Variants in TRPM3 observed in about 807,000 individuals in gnomAD.
TRPM3 encodes transient receptor potential cation channel subfamily M member 3.
TRPM3 carries 77 observed loss-of-function variants against 181.2 expected under a neutral mutation model. The observed-to-expected ratio is 0.42, with a 90% CI of 0.35 to 0.51. The LOEUF (loss-of-function observed/expected upper bound fraction) is 0.51. Among genes scored for constraint, TRPM3 ranks in the 20% least tolerant of loss-of-function variants. The probability of loss-of-function intolerance (pLI) is 0.01; values close to 1 mark genes in which losing one functional copy is unlikely to be tolerated. For synonymous variants in TRPM3, 745 were observed against 796.4 expected, an observed-to-expected ratio of 0.94 and a Z score of 1.09; for missense variants, 1,759 against 2,196.7, an observed-to-expected ratio of 0.80 and a Z score of 3.98.
At chr9:71,388,551 A>G (rs1337033951) in intron 1 of TRPM3, among the ~76,000 whole-genome samples, 1 of 152,126 alleles carries the variant, frequency 6.6e-6, no homozygotes, top group Admixed American at 6.6e-5. Context: ...AATGTAAGTC[A>G]TCAACACTGA....
chr9:70,639,284 GC>G (rs1345731137), intron 10 of TRPM3, 90 bp from the exon 11 acceptor site: 4 of 1,421,520 alleles, frequency 2.8e-6, no homozygotes, highest in Non-Finnish European at 2.9e-6. Flanking sequence ...AGAAATGGAT[GC>G]CTTTGACATC....
At position 70,855,310 on chromosome 9, in the gene TRPM3, A is replaced by G. The variant is rs530856964; in HGVS notation, c.462+7598T>C. ...AACAGACGGGCTGTTTCATTAAGAA[A>G]AAATAATAATAATCTTCCTTTGGCA... On this transcript the variant is annotated intron_variant, in intron 3 of 25. Transcript: ENST00000677713. Among the ~76,000 whole-genome samples, 109 of 152,356 alleles carry G rather than the reference A, an allele frequency of 7.2e-4. 1 individual carries two copies. The highest frequency in any genetic ancestry group is 2.4e-3 in the African/African-American group (101 of 41,576).
At chr9:70,799,296 C>A (rs954098118) in intron 6 of TRPM3, among the ~76,000 whole-genome samples, 1 of 151,598 alleles carries the variant, frequency 6.6e-6, no homozygotes, top group Non-Finnish European at 1.5e-5. Flanking sequence ...ATTAAAGTAA[C>A]CATTATCATA....
chr9:70,982,319 G>C (rs1490004516), intron 1 of TRPM3, among the ~76,000 whole-genome samples: 1 of 152,120 alleles, frequency 6.6e-6, no homozygotes, highest in East Asian at 1.9e-4. Flanking sequence ...AATTTCTATA[G>C]TGACTATTTG....
At chr9:71,133,415 C>T (rs1365355056) in intron 1 of TRPM3, among the ~76,000 whole-genome samples, 2 of 149,618 alleles carry the variant, frequency 1.3e-5, no homozygotes, top group Admixed American at 1.4e-4. Flanking sequence ...CTACCTCAGC[C>T]TCCCCTCCCG....
At chr9:70,882,897 G>A (rs568807058) in intron 1 of TRPM3, among the ~76,000 whole-genome samples, 4 of 152,220 alleles carry the variant, frequency 2.6e-5, no homozygotes, top group African/African-American at 9.6e-5. Flanking sequence ...AAAGAATAAA[G>A]GATAATGAAG....
In TRPM3 at chr9:70,846,493, A is replaced by G. The variant is rs373261124; in HGVS notation, c.561T>C (p.His187=). ...LELPKLLISV[H]GGLQNFELQP... ...GGAGTTCAAAGTTCTGCAGGCCCCC[A>G]TGGACAGAGATGAGAAGCTTGGGAA... The change falls in exon 4 of 26, where the codon CAT becomes CAC. Residue 187 remains histidine (H), a synonymous_variant. Transcript: ENST00000677713. 1.9e-6 allele frequency: 3 copies of G among 1,614,032 alleles called. No individual in the cohort carries two copies. Among genetic ancestry groups the G allele is most frequent in the African/African-American group, 2.7e-5 (2 of 74,918 alleles).
intron 1 of TRPM3, among the ~76,000 whole-genome samples, chr9:71,158,363 A>G (rs2076105384): frequency 6.6e-6 from 1 of 152,130 alleles, no homozygotes; most frequent in Non-Finnish European, 1.5e-5. Context: ...TTCTAAACCC[A>G]TACTACCTAA....
chr9:70,912,337 T>C (rs1342806930), intron 1 of TRPM3, among the ~76,000 whole-genome samples: 2 of 152,174 alleles, frequency 1.3e-5, no homozygotes, highest in East Asian at 1.9e-4. Context: ...CAGTTAAAAA[T>C]TGCAGAACAA....
At chr9:70,885,956 T>C (rs1191715352) in intron 1 of TRPM3, among the ~76,000 whole-genome samples, 1 of 152,202 alleles carries the variant, frequency 6.6e-6, no homozygotes, top group East Asian at 1.9e-4. Context: ...ATTTAAAATA[T>C]ACCACGGAAA....
chr9:71,343,963 AATG>A (rs2091128084), intron 1 of TRPM3, among the ~76,000 whole-genome samples: 1 of 152,182 alleles, frequency 6.6e-6, no homozygotes, highest in South Asian at 2.1e-4. Context: ...TATCAAAATA[AATG>A]ATAACAATTA....
upstream of TRPM3, among the ~76,000 whole-genome samples, chr9:71,125,129 A>G (rs1453900940): frequency 6.6e-6 from 1 of 152,160 alleles, no homozygotes; most frequent in Admixed American, 6.5e-5. Context: ...TGTAGTCTTA[A>G]TATTAACGTC....
chr9:70,888,326 A>G (rs1328435288), intron 1 of TRPM3, among the ~76,000 whole-genome samples: 1 of 149,978 alleles, frequency 6.7e-6, no homozygotes, highest in Non-Finnish European at 1.5e-5. Context: ...GATTAATGGG[A>G]GTTAGGAGTA....
At chr9:71,142,669 T>A (rs1451228195) in intron 1 of TRPM3, among the ~76,000 whole-genome samples, 1 of 152,130 alleles carries the variant, frequency 6.6e-6, no homozygotes, top group Non-Finnish European at 1.5e-5. Flanking sequence ...GGTGACATAC[T>A]CAGATTTACT....
At chr9:70,646,867 T>C (rs1031556718) in intron 9 of TRPM3, among the ~76,000 whole-genome samples, 3 of 106,974 alleles carry the variant, frequency 2.8e-5, no homozygotes, top group Admixed American at 1.0e-4. Flanking sequence ...ACTGACCCCA[T>C]GGAAGTACAA....
intron 1 of TRPM3, among the ~76,000 whole-genome samples, chr9:70,945,433 C>T (rs895529108): frequency 3.7e-4 from 57 of 152,174 alleles, no homozygotes; most frequent in African/African-American, 1.2e-3. Context: ...TAAACATCAG[C>T]TTTCTTGTCT....
At chr9:70,773,177 C>A in intron 7 of TRPM3, among the ~76,000 whole-genome samples, 1 of 152,102 alleles carries the variant, frequency 6.6e-6, no homozygotes, top group East Asian at 1.9e-4. Context: ...AGCTCTGGGG[C>A]AAGCAAAATA....
At chr9:71,169,730 G>A (rs1282168554) in intron 1 of TRPM3, among the ~76,000 whole-genome samples, 1 of 152,008 alleles carries the variant, frequency 6.6e-6, no homozygotes, top group Non-Finnish European at 1.5e-5. Context: ...TGAGGTGGGC[G>A]GATCACCTGA....
chr9:71,085,000 AC>A (rs1364236988), intron 1 of TRPM3, among the ~76,000 whole-genome samples: 1 of 152,084 alleles, frequency 6.6e-6, no homozygotes, highest in Non-Finnish European at 1.5e-5. Flanking sequence ...CTGATCATTG[AC>A]AAAATCAACA....
Sources: allele counts gnomAD v4.1 joint callset (sites outside exome capture counted in the v4.1 genomes callset), GRCh38; gene constraint gnomAD v4.1.1; transcripts MANE v1.5; gene names NCBI Gene and HGNC (gene_info 2026-07-23, HGNC 2026-07-21).